ZEB1: variants seen among roughly 807,000 people sequenced by gnomAD.
ZEB1 encodes zinc finger E-box binding homeobox 1, also known as zinc finger E-box-binding homeobox 1.
A neutral mutation model predicts 84.9 loss-of-function variants in ZEB1; 21 were observed. The ratio of observed to expected loss-of-function variants is 0.25; its 90% confidence interval spans 0.18 to 0.36. The LOEUF is 0.36. ZEB1 is among the 10% of genes least tolerant of loss of function. The pLI is 1.00. For synonymous variants in ZEB1, 420 were observed against 471.1 expected (o/e 0.89, Z 1.41); for missense variants, 1,104 against 1,330.2 (o/e 0.83, Z 2.65).
intron 1 of ZEB1, among the ~76,000 whole-genome samples, chr10:31,345,622 A>C (rs752099103): frequency 2.2e-4 from 34 of 152,264 alleles, no homozygotes; most frequent in Non-Finnish European, 4.7e-4. Flanking sequence ...CAGGATATGT[A>C]GGTAAACCTG....
chr10:31,388,370 A>G (rs2049016876), intron 1 of ZEB1, among the ~76,000 whole-genome samples: 1 of 152,120 alleles, frequency 6.6e-6, no homozygotes. Flanking sequence ...CTTATGGACC[A>G]TTAAAGTGGG....
chr10:31,386,865 A>G (rs1239947989), intron 1 of ZEB1, among the ~76,000 whole-genome samples: 1 of 152,086 alleles, frequency 6.6e-6, no homozygotes, highest in African/African-American at 2.4e-5. Flanking sequence ...GTTTTTCTGT[A>G]TTTTTTCAAC....
At chr10:31,523,378 G>A in intron 7 of ZEB1, among the ~76,000 whole-genome samples, 1 of 152,176 alleles carries the variant, frequency 6.6e-6, no homozygotes, top group East Asian at 1.9e-4. Context: ...TAGACAAGTG[G>A]TAGAGCACAC....
rs928387372 is a variant in ZEB1, at chr10:31,332,090, C to G, written c.58+12798C>G. On this transcript the variant is annotated intron_variant, in intron 1 of 8. Coordinates refer to ENST00000424869, the MANE Select transcript of ZEB1 (RefSeq NM_001174096.2). ...AAAAAGTTGTAAAACCTGATGTATC[C>G]TGCTTTCCTGAGTTTTTGCTTATCT... Among the ~76,000 whole-genome samples the G allele has an allele frequency of 1.4e-4, 22 of 152,140 alleles. 3 individuals carry two copies. Among genetic ancestry groups the G allele is most frequent in the Admixed American group, 1.4e-3 (22 of 15,274 alleles).
In ZEB1 at chr10:31,490,502, C is replaced by T. The variant is rs201083104; in HGVS notation, c.260-5274C>T. Among the ~76,000 whole-genome samples the T allele has an allele frequency of 1.4e-4, 22 of 151,738 alleles. No individual in the cohort carries two copies. The East Asian group carries it at 4.3e-3, about 29-fold the overall frequency. On this transcript the variant is annotated intron_variant, in intron 2 of 8. Coordinates refer to ENST00000424869, the MANE Select transcript of ZEB1 (RefSeq NM_001174096.2). ...TCCAGTGATTTTTAAACTTTGGTTACTGTATGTTTAGTTCTAAAATTTTCT... is the reference window on the plus strand; with the variant it reads ...TCCAGTGATTTTTAAACTTTGGTTATTGTATGTTTAGTTCTAAAATTTTCT...
chr10:31,499,680 G>A (rs1006020299), intron 3 of ZEB1, among the ~76,000 whole-genome samples: 4 of 151,962 alleles, frequency 2.6e-5, no homozygotes, highest in African/African-American at 7.2e-5. Context: ...CGGGAGAATC[G>A]CTTGGACCCA....
rs143602009 is a variant in ZEB1 at position 31,352,918 on chromosome 10, G to A, written c.58+33626G>A. 4.6e-4 allele frequency among the ~76,000 whole-genome samples: 70 copies of A among 152,314 alleles called. No homozygotes were observed. In the East Asian group the frequency reaches 0.012, roughly 27 times the overall value. ...AGTAGCAAGATTACACTGTAGAAGA[G>A]CAAATGGTTTGGGATGTATTGTTGC... On this transcript the variant is annotated intron_variant, in intron 1 of 8. Coordinates refer to ENST00000424869, the MANE Select transcript of ZEB1 (RefSeq NM_001174096.2).
intron 1 of ZEB1, among the ~76,000 whole-genome samples, chr10:31,450,873 C>CGTGTGTGTGTGTGTGTGTGT (rs137905132): frequency 1.3e-5 from 2 of 149,448 alleles, no homozygotes; most frequent in Non-Finnish European, 3.0e-5. Context: ...TAGGACTGAG[C>CGTGTGTGTGTGTGTGTGTGT]GTGTGTGTGT....
intron 7 of ZEB1, 152 bp from the exon 8 acceptor site, chr10:31,523,781 A>G (rs1484016178): frequency 2.4e-6 from 2 of 841,328 alleles, no homozygotes; most frequent in Non-Finnish European, 3.7e-6. Flanking sequence ...CTTGGGGCAC[A>G]TGTGCAGTGA....
chr10:31,387,970 G>A (rs1296835440), intron 1 of ZEB1, among the ~76,000 whole-genome samples: 2 of 152,082 alleles, frequency 1.3e-5, no homozygotes, highest in Non-Finnish European at 2.9e-5. Context: ...TGAAGGATAA[G>A]CAAATTAATG....
intron 1 of ZEB1, among the ~76,000 whole-genome samples, chr10:31,359,343 T>G (rs2042608668): frequency 6.6e-6 from 1 of 151,824 alleles, no homozygotes; most frequent in Non-Finnish European, 1.5e-5. Flanking sequence ...ATGAGAACTC[T>G]TATGTGTTAT....
chr10:31,421,556 C>G (rs1208129590), intron 1 of ZEB1, among the ~76,000 whole-genome samples: 3 of 152,004 alleles, frequency 2.0e-5, no homozygotes, highest in Non-Finnish European at 4.4e-5. Flanking sequence ...TTTTCTCTTT[C>G]TGAAATGACC....
intron 1 of ZEB1, 93 bp downstream of exon 1, chr10:31,319,385 G>A: frequency 8.0e-7 from 1 of 1,257,526 alleles, no homozygotes; most frequent in Non-Finnish European, 1.1e-6. Flanking sequence ...CCGGGCTGGG[G>A]GCAGCCGGGG....
At chr10:31,367,662 T>G (rs1184827082) in intron 1 of ZEB1, among the ~76,000 whole-genome samples, 1 of 152,188 alleles carries the variant, frequency 6.6e-6, no homozygotes, top group Non-Finnish European at 1.5e-5. Context: ...GGCATATTTT[T>G]TTGGTTGATA....
rs118020901 is a variant in ZEB1 at position 31,521,854 on chromosome 10, A to C, written c.2522A>C (p.Gln841Pro). 7.1e-3 allele frequency: 11,521 copies of C among 1,613,898 alleles called. 71 individuals carry two copies. Among genetic ancestry groups the C allele is most frequent in the Non-Finnish European group, 7.2e-3 (8,492 of 1,179,904 alleles). ...AATAAGCAAACGATTCTGATTCCCC[A>C]GGTGGCATACACCTACTCAACTACG... The part of the protein sequence containing the change: ...AANKQTILIP[Q>P]VAYTYSTTVS... Residue 841 changes from glutamine (Q) to proline (P), a missense_variant, in exon 7 of 9, where the codon CAG (glutamine) becomes CCG (proline). Transcript: ENST00000424869.
At chr10:31,396,358 C>T (rs972449548) in intron 1 of ZEB1, among the ~76,000 whole-genome samples, 1 of 152,260 alleles carries the variant, frequency 6.6e-6, no homozygotes, top group African/African-American at 2.4e-5. Flanking sequence ...TATTATATGA[C>T]TCGCTGTTTT....
chr10:31,375,090 C>CACACACACAG (rs1204880411), intron 1 of ZEB1: 23 of 140,016 alleles, frequency 1.6e-4, no homozygotes, highest in African/African-American at 3.7e-4. Context: ...CACACACACA[C>CACACACACAG]AGAGAAGCAT....
chr10:31,447,558 G>T (rs1166154805), intron 1 of ZEB1, among the ~76,000 whole-genome samples: 30 of 136,282 alleles, frequency 2.2e-4, no homozygotes, highest in African/African-American at 8.1e-4. Context: ...GGTACCGGTT[G>T]TTCCTTTCCA....
intron 1 of ZEB1, among the ~76,000 whole-genome samples, chr10:31,452,078 T>C (rs1368225684): frequency 2.6e-5 from 4 of 152,078 alleles, no homozygotes; most frequent in East Asian, 3.8e-4. Flanking sequence ...ATTGGAGTTA[T>C]GTTTTAAAAT....
Sources: gnomAD v4.1 joint callset for allele counts (sites outside exome capture counted in the v4.1 genomes callset) on GRCh38, gnomAD v4.1.1 for gene constraint, MANE v1.5 for transcripts, NCBI Gene and HGNC (gene_info 2026-07-23, HGNC 2026-07-21) for gene names.